IP6K1: variants seen among roughly 807,000 people sequenced by gnomAD.
IP6K1 encodes the protein inositol hexakisphosphate kinase 1.
In IP6K1, 13 loss-of-function variants were observed where a neutral mutation model predicts 38.3. The observed-to-expected ratio is 0.34, with a 90% CI of 0.22 to 0.54. The LOEUF (loss-of-function observed/expected upper bound fraction) is 0.54, where lower values mean the gene tolerates loss of function less well. Among genes scored for constraint, IP6K1 ranks in the 20% least tolerant of loss-of-function variants. The pLI, the probability that IP6K1 is intolerant of heterozygous loss-of-function variation, is 0.92. For synonymous variants in IP6K1, 212 were observed against 229.9 expected (o/e 0.92, Z 0.70); for missense variants, 397 against 599.8 (o/e 0.66, Z 3.53).
At chr3:49,757,797 A>C (rs1206549204) in intron 1 of IP6K1, among the ~76,000 whole-genome samples, 1 of 152,180 alleles carries the variant, frequency 6.6e-6, no homozygotes, top group South Asian at 2.1e-4. Flanking sequence ...CACTCACGCT[A>C]ATTTCAATTA....
At chr3:49,771,119 T>TA (rs1216755659) in intron 1 of IP6K1, among the ~76,000 whole-genome samples, 4 of 111,596 alleles carry the variant, frequency 3.6e-5, no homozygotes, top group East Asian at 2.8e-4. Context: ...ACCCTGTCTC[T>TA]AAAAAAACAA....
At chr3:49,782,568 G>A (rs1399801683) in intron 1 of IP6K1, among the ~76,000 whole-genome samples, 3 of 151,956 alleles carry the variant, frequency 2.0e-5, no homozygotes, top group African/African-American at 7.3e-5. Context: ...TTAGGAACCC[G>A]AGGCAGGAGG....
intron 1 of IP6K1, among the ~76,000 whole-genome samples, chr3:49,766,059 C>T (rs1248315672): frequency 1.3e-5 from 2 of 152,034 alleles, no homozygotes; most frequent in African/African-American, 4.8e-5. Flanking sequence ...GCCTGTAGTC[C>T]CAGCTACTTG....
Position 49,726,859 on chromosome 3 carries a change from G to A in IP6K1, c.*263C>T. 1 of 461,258 alleles carries A rather than the reference G, an allele frequency of 2.2e-6. No individual in the cohort carries two copies. Among genetic ancestry groups the A allele is most frequent in the Non-Finnish European group, 3.8e-6 (1 of 263,322 alleles). The allele number at this position is 461,258 out of a possible 1,614,324, so 28.6% of individuals were successfully genotyped here. ...CTGTCCCTGCTGCCAAGCCCACCAG[G>A]GGCACCTCTTCCTTCCTAAGGCAGC... On this transcript the variant is annotated 3_prime_UTR_variant, in exon 6 of 6. Transcript: ENST00000321599.
At chr3:49,778,325 C>CAA (rs1369186483) in intron 1 of IP6K1, among the ~76,000 whole-genome samples, 3 of 107,776 alleles carry the variant, frequency 2.8e-5, no homozygotes, top group Admixed American at 1.0e-4. Context: ...GACTCGGTCT[C>CAA]AAAAAAAAAA....
intron 1 of IP6K1, chr3:49,786,006 C>T (rs1272324385): frequency 1.3e-5 from 2 of 152,292 alleles, no homozygotes; most frequent in Non-Finnish European, 2.9e-5. Context: ...GTCTATTTCT[C>T]AGCCAGGAGC....
intron 1 of IP6K1, among the ~76,000 whole-genome samples, chr3:49,766,606 G>A (rs1204720521): frequency 6.6e-6 from 1 of 151,326 alleles, no homozygotes; most frequent in Non-Finnish European, 1.5e-5. Flanking sequence ...AGAGGTTGCA[G>A]TGAGCCAAGA....
intron 3 of IP6K1, among the ~76,000 whole-genome samples, chr3:49,735,865 T>A (rs1302740568): frequency 6.6e-6 from 1 of 152,346 alleles, no homozygotes; most frequent in East Asian, 1.9e-4. Flanking sequence ...CTGTCTCATC[T>A]AAGGAAATTC....
intron 1 of IP6K1, among the ~76,000 whole-genome samples, chr3:49,750,433 G>A (rs1360164190): frequency 1.3e-5 from 2 of 152,132 alleles, no homozygotes; most frequent in South Asian, 2.1e-4. Flanking sequence ...AGTGGTTCAC[G>A]CCTATAATCC....
intron 2 of IP6K1, among the ~76,000 whole-genome samples, chr3:49,746,598 C>A (rs2080723377): frequency 6.8e-6 from 1 of 147,308 alleles, no homozygotes. Flanking sequence ...TCGCTTGAAC[C>A]CGGGAGTTGG....
chr3:49,749,171 T>C (rs1277267545), intron 1 of IP6K1, among the ~76,000 whole-genome samples: 1 of 152,200 alleles, frequency 6.6e-6, no homozygotes, highest in East Asian at 1.9e-4. Flanking sequence ...TGAGGCCCAG[T>C]TCCTAACAGG....
intron 1 of IP6K1, among the ~76,000 whole-genome samples, chr3:49,774,265 G>A (rs989145281): frequency 2.6e-5 from 4 of 151,644 alleles, no homozygotes; most frequent in South Asian, 2.1e-4. Flanking sequence ...AAAATTAGCC[G>A]GGTGCGGTGG....
intron 1 of IP6K1, among the ~76,000 whole-genome samples, chr3:49,767,699 A>T (rs2080923713): frequency 6.6e-6 from 1 of 152,176 alleles, no homozygotes; most frequent in Non-Finnish European, 1.5e-5. Context: ...TAAGCCCAAG[A>T]GTTTGAGACC....
intron 2 of IP6K1, among the ~76,000 whole-genome samples, chr3:49,740,397 A>G (rs1335941867): frequency 1.3e-5 from 2 of 152,084 alleles, no homozygotes; most frequent in African/African-American, 2.4e-5. Flanking sequence ...GGTACAATTC[A>G]GTGGGCATTA....
chr3:49,781,973 G>A (rs2081069632), intron 1 of IP6K1, among the ~76,000 whole-genome samples: 1 of 151,908 alleles, frequency 6.6e-6, no homozygotes, highest in African/African-American at 2.4e-5. Flanking sequence ...CCCACCTGTA[G>A]TTCCAGCTAC....
intron 1 of IP6K1, among the ~76,000 whole-genome samples, chr3:49,774,407 CA>C (rs777187857): frequency 2.6e-3 from 117 of 44,288 alleles, no homozygotes; most frequent in South Asian, 6.5e-3. Context: ...GACTCCATCT[CA>C]AAAAAAAAAA....
At chr3:49,742,943 C>T (rs114062260) in intron 2 of IP6K1, among the ~76,000 whole-genome samples, 1,612 of 151,928 alleles carry the variant, frequency 0.011, 25 homozygotes, top group African/African-American at 0.037. Flanking sequence ...TAAAAAAACA[C>T]ACAGTCCAGC....
intron 1 of IP6K1, among the ~76,000 whole-genome samples, chr3:49,760,843 T>C (rs2080861932): frequency 6.6e-6 from 1 of 152,146 alleles, no homozygotes; most frequent in Admixed American, 6.6e-5. Flanking sequence ...AATGCCACAA[T>C]TAACAAATTA....
chr3:49,764,514 G>T, intron 1 of IP6K1, among the ~76,000 whole-genome samples: 1 of 152,280 alleles, frequency 6.6e-6, no homozygotes, highest in South Asian at 2.1e-4. Context: ...TTATATGCAG[G>T]TTTTTTGACT....
Sources: gnomAD v4.1 joint callset for allele counts (sites outside exome capture counted in the v4.1 genomes callset) on GRCh38, gnomAD v4.1.1 for gene constraint, MANE v1.5 for transcripts, NCBI Gene and HGNC (gene_info 2026-07-23, HGNC 2026-07-21) for gene names.